Variants in RAPGEF4 observed in about 807,000 individuals in gnomAD.
The protein encoded by RAPGEF4 is RAP guanine-nucleotide-exchange factor (GEF) 4.
RAPGEF4 carries 66 observed loss-of-function variants against 147.9 expected under a neutral mutation model. The observed-to-expected ratio is 0.45, with a 90% CI of 0.37 to 0.55. RAPGEF4 has a LOEUF of 0.55. Among genes scored for constraint, RAPGEF4 ranks in the 20% least tolerant of loss-of-function variants. The pLI, the probability that RAPGEF4 is intolerant of heterozygous loss-of-function variation, is 0.00. For missense variants in RAPGEF4, 1,071 were observed against 1,257.3 expected, an observed-to-expected ratio of 0.85 and a Z score of 2.24; for synonymous variants, 419 against 442.7, an observed-to-expected ratio of 0.95 and a Z score of 0.67.
chr2:173,047,838 G>A (rs6714475), intron 29 of RAPGEF4, among the ~76,000 whole-genome samples: 3,840 of 151,998 alleles, frequency 0.025, 136 homozygotes, highest in African/African-American at 0.087. Flanking sequence ...CACCACGCCC[G>A]GCTAATTTTT....
chr2:172,773,714 A>G (rs1683874843), intron 1 of RAPGEF4, among the ~76,000 whole-genome samples: 1 of 145,844 alleles, frequency 6.9e-6, no homozygotes, highest in Non-Finnish European at 1.5e-5. Flanking sequence ...GCTCTGACCC[A>G]CTGACTTGGA....
intron 2 of RAPGEF4, among the ~76,000 whole-genome samples, chr2:172,795,564 A>T (rs377248306): frequency 2.0e-5 from 3 of 152,264 alleles, no homozygotes; most frequent in East Asian, 3.8e-4. Context: ...CAGTAATATC[A>T]TCTATTCCAG....
chr2:172,924,432 A>G (rs3769262), intron 6 of RAPGEF4, among the ~76,000 whole-genome samples: 76,669 of 152,068 alleles, frequency 0.5, 20,010 homozygotes, highest in East Asian at 0.68. Flanking sequence ...GATCTGGGGA[A>G]CTGGCCAGGC....
intron 1 of RAPGEF4, among the ~76,000 whole-genome samples, chr2:172,781,172 G>C (rs1480519874): frequency 6.6e-6 from 1 of 152,098 alleles, no homozygotes; most frequent in Non-Finnish European, 1.5e-5. Context: ...TTTATTCAAA[G>C]GAAGTGTCAA....
At chr2:172,786,701 C>T (rs1020200465) in intron 1 of RAPGEF4, among the ~76,000 whole-genome samples, 1 of 152,012 alleles carries the variant, frequency 6.6e-6, no homozygotes, top group African/African-American at 2.4e-5. Flanking sequence ...ATAGAGAGAC[C>T]TTATCTCTAC....
intron 3 of RAPGEF4, among the ~76,000 whole-genome samples, chr2:172,801,981 G>T (rs1049616445): frequency 6.6e-6 from 1 of 152,196 alleles, no homozygotes; most frequent in African/African-American, 2.4e-5. Flanking sequence ...CCTCCAAAGG[G>T]CATCTGGATT....
In RAPGEF4 at chr2:172,917,824, G is replaced by A. The variant is rs375512263; in HGVS notation, c.467G>A (p.Gly156Glu). The stretch of plus-strand genomic sequence containing the variant: ...CAGAAATATCGACAGTATATGGCAG[G>A]ACTTCTGGCTCCTCCTTATGGTGTT... ...LWEKYRQYMAGLLAPPYGVME... is the reference protein window; with the variant it reads ...LWEKYRQYMAELLAPPYGVME... Residue 156 changes from glycine to glutamate, a missense_variant, in exon 5 of 31, where the codon GGA (glycine) becomes GAA (glutamate). Physicochemically the swap from Gly to Glu is moderately conservative, Grantham distance 98. Transcript: ENST00000397081. The A allele has an allele frequency of 1.7e-5, 27 of 1,613,670 alleles. No homozygotes were observed. The highest frequency in any genetic ancestry group is 2.7e-5 in the African/African-American group (2 of 74,910).
chr2:172,967,827 T>G (rs1264313536), intron 10 of RAPGEF4, among the ~76,000 whole-genome samples: 1 of 152,228 alleles, frequency 6.6e-6, no homozygotes, highest in Non-Finnish European at 1.5e-5. Flanking sequence ...ATAGCCTTCA[T>G]GCCTAGGCCT....
intron 17 of RAPGEF4, among the ~76,000 whole-genome samples, chr2:173,005,979 T>TC (rs11427320): frequency 0.99 from 151,381 of 152,328 alleles, 75,226 homozygotes; most frequent in Middle Eastern, 1. Context: ...TATTACTCGG[T>TC]ATTCTAGCCA....
intron 4 of RAPGEF4, among the ~76,000 whole-genome samples, chr2:172,866,192 A>G (rs748391079): frequency 1.3e-5 from 2 of 151,828 alleles, no homozygotes; most frequent in Non-Finnish European, 2.9e-5. Flanking sequence ...TTTATAGCCA[A>G]TCTTTGTCAT....
At chr2:172,871,641 T>C (rs1375695484) in intron 4 of RAPGEF4, among the ~76,000 whole-genome samples, 3 of 146,464 alleles carry the variant, frequency 2.0e-5, no homozygotes, top group Non-Finnish European at 4.5e-5. Context: ...TTTTTTTTTT[T>C]GCACTGAAGG....
At chr2:172,940,199 A>T (rs1029350536) in intron 6 of RAPGEF4, among the ~76,000 whole-genome samples, 1 of 152,218 alleles carries the variant, frequency 6.6e-6, no homozygotes, top group East Asian at 1.9e-4. Flanking sequence ...TACTGTTTTC[A>T]TCACATCATA....
At chr2:172,905,679 T>G (rs1302626437) in intron 4 of RAPGEF4, among the ~76,000 whole-genome samples, 1 of 152,204 alleles carries the variant, frequency 6.6e-6, no homozygotes, top group African/African-American at 2.4e-5. Context: ...AGAGCTAAAG[T>G]TGTGATTCTT....
intron 11 of RAPGEF4, among the ~76,000 whole-genome samples, chr2:172,984,202 T>G (rs1303550704): frequency 1.3e-5 from 2 of 152,158 alleles, no homozygotes; most frequent in Non-Finnish European, 2.9e-5. Flanking sequence ...AAGAATATGA[T>G]TTTTAGGAAA....
chr2:172,833,109 C>T (rs1222151492), intron 4 of RAPGEF4, among the ~76,000 whole-genome samples: 6 of 151,112 alleles, frequency 4.0e-5, no homozygotes, highest in African/African-American at 1.5e-4. Context: ...GAGGCTGAGG[C>T]AGGAAAATCA....
At chr2:172,988,997 G>A (rs574649848) in intron 14 of RAPGEF4, among the ~76,000 whole-genome samples, 158 bp downstream of exon 14, 1 of 152,196 alleles carries the variant, frequency 6.6e-6, no homozygotes, top group Non-Finnish European at 1.5e-5. Flanking sequence ...TTAATGTGTT[G>A]GTATGCATTC....
At position 173,036,507 on chromosome 2, in the gene RAPGEF4, A is replaced by G. The variant is rs1185781858; in HGVS notation, c.2789-121A>G. ...ACACCTAGCATTAAAGGAACTATTA[A>G]CAGCTTTTTTCAACTGTAGTGTTAT... On this transcript the variant is annotated intron_variant, in intron 28 of 30. Transcript: ENST00000397081. The G allele has an allele frequency of 3.8e-6, 3 of 786,292 alleles. No homozygotes were observed. In the East Asian group the frequency reaches 7.6e-5, roughly 20 times the overall value. 48.7% of individuals were successfully genotyped at this position (786,292 alleles called of 1,614,324 possible). A position where few individuals can be genotyped will look rare whatever the true frequency, so the allele number is the denominator to read the frequency against.
chr2:172,884,293 G>T (rs1467429940), intron 4 of RAPGEF4, among the ~76,000 whole-genome samples: 5 of 152,186 alleles, frequency 3.3e-5, no homozygotes, highest in Non-Finnish European at 7.3e-5. Context: ...GTTGACCTTG[G>T]ACTGTAATTT....
chr2:172,991,982 T>C (rs796250672), intron 15 of RAPGEF4, among the ~76,000 whole-genome samples: 2 of 152,232 alleles, frequency 1.3e-5, no homozygotes, highest in South Asian at 2.1e-4. Flanking sequence ...GAGAAATTTA[T>C]GCTCAGAGCC....
Sources: gnomAD v4.1 joint callset for allele counts (sites outside exome capture counted in the v4.1 genomes callset) on GRCh38, gnomAD v4.1.1 for gene constraint, MANE v1.5 for transcripts, NCBI Gene and HGNC (gene_info 2026-07-23, HGNC 2026-07-21) for gene names.